Variants in SIPA1L2 observed in about 807,000 individuals in gnomAD.
SIPA1L2 encodes signal-induced proliferation-associated 1-like protein 2.
A neutral mutation model predicts 163.9 loss-of-function variants in SIPA1L2; 56 were observed. That is an observed-to-expected ratio of 0.34 (90% confidence interval 0.28 to 0.43). SIPA1L2 has a LOEUF of 0.43. SIPA1L2 is among the 20% of genes least tolerant of loss of function. The pLI is 1.00. For missense variants in SIPA1L2, 1,974 were observed against 2,193.5 expected (o/e 0.90, Z 2.00); for synonymous variants, 877 against 865.7 (o/e 1.01, Z -0.23).
intron 11 of SIPA1L2, among the ~76,000 whole-genome samples, chr1:232,444,120 C>G (rs1409830163): frequency 6.6e-6 from 1 of 152,084 alleles, no homozygotes; most frequent in Non-Finnish European, 1.5e-5. Flanking sequence ...TTGGCAAAAC[C>G]ATTTATTTTC....
intron 9 of SIPA1L2, 91 bp downstream of exon 9, chr1:232,464,749 A>G: frequency 9.8e-7 from 1 of 1,024,370 alleles, no homozygotes; most frequent in Non-Finnish European, 1.4e-6. Flanking sequence ...CCTAATTGGT[A>G]TAATCATGGT....
intron 18 of SIPA1L2, among the ~76,000 whole-genome samples, chr1:232,424,345 AAAAAAG>A (rs1483438452): frequency 6.7e-6 from 1 of 148,832 alleles, no homozygotes; most frequent in East Asian, 2.0e-4. Flanking sequence ...AAAAAAAAAA[AAAAAAG>A]GACATACATC....
chr1:232,536,853 T>TA (rs1398689880), intron 2 of SIPA1L2, among the ~76,000 whole-genome samples: 1 of 152,188 alleles, frequency 6.6e-6, no homozygotes, highest in Admixed American at 6.5e-5. Flanking sequence ...TGTGTCCAAA[T>TA]ATTTGGGATG....
At chr1:232,448,429 CA>C (rs770940055) in intron 10 of SIPA1L2, among the ~76,000 whole-genome samples, 16 of 152,184 alleles carry the variant, frequency 1.1e-4, no homozygotes, top group Non-Finnish European at 2.2e-4. Context: ...TCTATTAGAA[CA>C]AGGGATCACT....
At chr1:232,471,310 G>A (rs1202198659) in intron 8 of SIPA1L2, 61 bp downstream of exon 8, 2 of 1,523,770 alleles carry the variant, frequency 1.3e-6, no homozygotes, top group African/African-American at 1.4e-5. Context: ...GATATTTTTG[G>A]GAAAAGACGC....
intron 1 of SIPA1L2, among the ~76,000 whole-genome samples, chr1:232,607,760 T>TAAAA (rs1267584055): frequency 4.0e-5 from 6 of 148,260 alleles, no homozygotes; most frequent in Admixed American, 4.0e-4. Context: ...ACCTCTTTTT[T>TAAAA]AAAAAAAAAA....
At chr1:232,488,195 C>T (rs770324994) in intron 5 of SIPA1L2, among the ~76,000 whole-genome samples, 3 of 152,140 alleles carry the variant, frequency 2.0e-5, no homozygotes, top group African/African-American at 2.4e-5. Context: ...TCAAATGATC[C>T]ACCCACCTTG....
intron 10 of SIPA1L2, among the ~76,000 whole-genome samples, chr1:232,456,056 A>C (rs934858093): frequency 6.6e-6 from 1 of 152,162 alleles, no homozygotes; most frequent in African/African-American, 2.4e-5. Context: ...CACGACACGT[A>C]ATTTACCCAC....
intron 1 of SIPA1L2, among the ~76,000 whole-genome samples, chr1:232,614,870 C>T (rs546232551): frequency 8.1e-4 from 124 of 152,322 alleles, no homozygotes; most frequent in Middle Eastern, 3.4e-3. Flanking sequence ...GCATCCTTAT[C>T]ACTAAGTTTT....
chr1:232,548,915 T>G (rs940613237), intron 2 of SIPA1L2, among the ~76,000 whole-genome samples: 2 of 151,998 alleles, frequency 1.3e-5, no homozygotes, highest in Non-Finnish European at 2.9e-5. Context: ...GGTACAGAAG[T>G]GGAAAGGCCA....
chr1:232,602,323 A>T (rs905345783), intron 1 of SIPA1L2, among the ~76,000 whole-genome samples: 53 of 152,054 alleles, frequency 3.5e-4, no homozygotes, highest in Admixed American at 1.3e-4. Flanking sequence ...CACCCTCAGA[A>T]GGTTTTTTGT....
chr1:232,447,778 C>T (rs751626439), intron 10 of SIPA1L2, among the ~76,000 whole-genome samples: 1 of 152,138 alleles, frequency 6.6e-6, no homozygotes, highest in Non-Finnish European at 1.5e-5. Context: ...CAGAACTGAT[C>T]GAACCTTTAA....
intron 10 of SIPA1L2, among the ~76,000 whole-genome samples, chr1:232,450,031 ATAGAG>A (rs371269965): frequency 2.1e-4 from 32 of 152,096 alleles, no homozygotes; most frequent in Middle Eastern, 6.8e-3. Flanking sequence ...GGTAGCGTTA[ATAGAG>A]TAGAGTGGAC....
chr1:232,466,748 G>A (rs1466264149), intron 8 of SIPA1L2, among the ~76,000 whole-genome samples: 14 of 152,098 alleles, frequency 9.2e-5, no homozygotes, highest in African/African-American at 2.9e-4. Flanking sequence ...CCGAGATCAC[G>A]CCACTGCACT....
chr1:232,415,393 A>G (rs1661186374), intron 19 of SIPA1L2, 101 bp downstream of exon 19: 1 of 1,394,534 alleles, frequency 7.2e-7, no homozygotes, highest in African/African-American at 1.5e-5. Flanking sequence ...AACTTTGACC[A>G]GACGATGGGA....
At position 232,479,621 on chromosome 1, in the gene SIPA1L2, A is replaced by C; in HGVS notation, c.2085+6T>G. The C allele has an allele frequency of 6.2e-7, 1 of 1,611,538 alleles. No homozygotes were observed. The highest frequency in any genetic ancestry group is 1.1e-5 in the South Asian group (1 of 91,014). ...CGTAAAAAGCTCCAGGCTGGGGAGGACATACCTGTTGTCTGTTGTTGGGCA... is the reference window on the plus strand; with the variant it reads ...CGTAAAAAGCTCCAGGCTGGGGAGGCCATACCTGTTGTCTGTTGTTGGGCA... On this transcript the variant is annotated splice_donor_region_variant and intron_variant, in intron 7 of 22. Transcript: ENST00000674635.
intron 2 of SIPA1L2, among the ~76,000 whole-genome samples, chr1:232,534,715 C>A (rs1039788773): frequency 6.6e-6 from 1 of 152,150 alleles, no homozygotes; most frequent in Non-Finnish European, 1.5e-5. Context: ...GCTGGGATAT[C>A]ACCACCATGG....
intron 12 of SIPA1L2, among the ~76,000 whole-genome samples, chr1:232,442,570 A>T (rs893379389): frequency 6.6e-6 from 1 of 151,194 alleles, no homozygotes; most frequent in East Asian, 1.9e-4. Context: ...AAAAAAAAGG[A>T]AAAAAAAGAT....
intron 2 of SIPA1L2, among the ~76,000 whole-genome samples, chr1:232,528,348 C>T (rs569859644): frequency 6.6e-6 from 1 of 152,012 alleles, no homozygotes; most frequent in South Asian, 2.1e-4. Flanking sequence ...GACTGTGTTT[C>T]CAGAGAATCA....
Sources: allele counts gnomAD v4.1 joint callset (sites outside exome capture counted in the v4.1 genomes callset), GRCh38; gene constraint gnomAD v4.1.1; transcripts MANE v1.5; gene names NCBI Gene and HGNC (gene_info 2026-07-23, HGNC 2026-07-21).